Variants in SP2 observed in about 807,000 individuals in gnomAD.
The protein encoded by SP2 is transcription factor Sp2.
SP2 carries 9 observed loss-of-function variants against 50.1 expected under a neutral mutation model. The ratio of observed to expected loss-of-function variants is 0.18; its 90% confidence interval spans 0.11 to 0.31. The LOEUF (loss-of-function observed/expected upper bound fraction) is 0.31, where lower values mean the gene tolerates loss of function less well. Among genes scored for constraint, SP2 ranks in the 10% least tolerant of loss-of-function variants. The pLI is 1.00. For missense variants in SP2, 581 were observed against 806.5 expected, an observed-to-expected ratio of 0.72 and a Z score of 3.39; for synonymous variants, 313 against 326.6, an observed-to-expected ratio of 0.96 and a Z score of 0.45.
In SP2 at chr17:47,922,979, T is replaced by C. The variant is rs141918529; in HGVS notation, c.1077T>C (p.Pro359=). The C allele has an allele frequency of 5.9e-4, 944 of 1,612,862 alleles. 4 individuals carry two copies. The African/African-American group carries it at 0.012, about 20-fold the overall frequency. The change falls in exon 4 of 7, where the codon CCT becomes CCC. Residue 359 remains proline, a synonymous_variant. Transcript: ENST00000376741. ...PTPTQVYIRT[P]SGEVQTVLVQ... is the part of the protein sequence containing the mutation. ...CCTCCCAGGTCTACATCCGCACGCC[T>C]TCCGGTGAGGTGCAGACAGTCCTTG...
At chr17:47,920,102 G>A (rs1394095575) in intron 3 of SP2, among the ~76,000 whole-genome samples, 1 of 151,578 alleles carries the variant, frequency 6.6e-6, no homozygotes, top group African/African-American at 2.4e-5. Flanking sequence ...ACTTTTGAAG[G>A]CTAAAGGTCA....
At chr17:47,896,654 G>T (rs1440425465) in intron 1 of SP2, among the ~76,000 whole-genome samples, 1 of 152,240 alleles carries the variant, frequency 6.6e-6, no homozygotes, top group Non-Finnish European at 1.5e-5. Flanking sequence ...GGCGAACTAT[G>T]CCTGGGTCGG....
chr17:47,911,874 G>A (rs1394549584), intron 1 of SP2, among the ~76,000 whole-genome samples: 1 of 151,910 alleles, frequency 6.6e-6, no homozygotes, highest in East Asian at 1.9e-4. Context: ...GGAGATGCCT[G>A]TGAACCCTGG....
In SP2 at chr17:47,928,926, A is replaced by G. The variant is rs2035758225; in HGVS notation, c.*1102A>G. The G allele has an allele frequency of 6.6e-6, 1 of 152,666 alleles. No homozygotes were observed. The highest frequency in any genetic ancestry group is 6.5e-5 in the Admixed American group (1 of 15,282). The allele number at this position is 152,666 out of a possible 1,614,324, so 9.5% of individuals were successfully genotyped here. A position where few individuals can be genotyped will look rare whatever the true frequency, so the allele number is the denominator to read the frequency against. Reference sequence around the variant, plus strand: ...GGCTGACAAAAATTTTTTCTTGCTAATAAATTTAGTTGCCTGAGGCAAAAT... The same window carrying G: ...GGCTGACAAAAATTTTTTCTTGCTAGTAAATTTAGTTGCCTGAGGCAAAAT... On this transcript the variant is annotated 3_prime_UTR_variant, in exon 7 of 7. Coordinates refer to ENST00000376741, the MANE Select transcript of SP2 (RefSeq NM_003110.6).
At chr17:47,926,240 A>G (rs1261241302) in intron 6 of SP2, among the ~76,000 whole-genome samples, 1 of 151,496 alleles carries the variant, frequency 6.6e-6, no homozygotes, top group Non-Finnish European at 1.5e-5. Flanking sequence ...TTACTGAGGC[A>G]TGGAGAGCTG....
At chr17:47,896,368 A>G in intron 1 of SP2, 75 bp downstream of exon 1, 1 of 1,162,866 alleles carries the variant, frequency 8.6e-7, no homozygotes, top group Non-Finnish European at 1.1e-6. Flanking sequence ...CCGCGGGGAG[A>G]GGGAGCCGAG....
intron 1 of SP2, among the ~76,000 whole-genome samples, chr17:47,901,209 G>A (rs954740447): frequency 2.6e-5 from 4 of 151,234 alleles, no homozygotes; most frequent in African/African-American, 9.7e-5. Context: ...GTGCAATGGC[G>A]CAATCTTGGC....
rs766102867 is a variant in SP2, at chr17:47,896,247, G to A, written c.-40G>A. ...TGGCGGGCGGTGTCAGGCTCTCGGT[G>A]GCGGCGGAGGCGGCGGAGGCCAGGG... On this transcript the variant is annotated 5_prime_UTR_variant, in exon 1 of 7. Coordinates refer to ENST00000376741, the MANE Select transcript of SP2 (RefSeq NM_003110.6). The A allele has an allele frequency of 4.5e-5, 56 of 1,238,872 alleles. 1 individual carries two copies. Among genetic ancestry groups the A allele is most frequent in the Non-Finnish European group, 5.4e-5 (53 of 988,822 alleles). The allele number at this position is 1,238,872 out of a possible 1,614,324, so 76.7% of individuals were successfully genotyped here. A position where few individuals can be genotyped will look rare whatever the true frequency, so the allele number is the denominator to read the frequency against.
At chr17:47,913,487 T>C (rs1037537762) in intron 1 of SP2, among the ~76,000 whole-genome samples, 1 of 152,226 alleles carries the variant, frequency 6.6e-6, no homozygotes, top group African/African-American at 2.4e-5. Flanking sequence ...TTCTTTTCCT[T>C]AGTGATTTAT....
At position 47,927,942 on chromosome 17, in the gene SP2, T is replaced by C; in HGVS notation, c.*118T>C. The C allele has an allele frequency of 1.5e-6, 1 of 664,386 alleles. No individual in the cohort carries two copies. Among genetic ancestry groups the C allele is most frequent in the Admixed American group, 2.3e-5 (1 of 42,914 alleles). 41.2% of individuals were successfully genotyped at this position (664,386 alleles called of 1,614,324 possible). A position where few individuals can be genotyped will look rare whatever the true frequency, so the allele number is the denominator to read the frequency against. On this transcript the variant is annotated 3_prime_UTR_variant, in exon 7 of 7. Coordinates refer to ENST00000376741, the MANE Select transcript of SP2 (RefSeq NM_003110.6). ...CCTGCCCTCAGCCCCACTCCTGTTC[T>C]GCAACTGTCCCCACAGGAAGGGGCT...
Position 47,916,680 on chromosome 17 carries a change from G to A in SP2, c.609G>A (p.Leu203=). ...PVQSGANVVK[L]TGGGGNVTLT... Reference sequence around the variant, plus strand: ...AGAGCGGGGCCAATGTGGTGAAGCTGACAGGTGGGGGCGGCAATGTGACGC... The same window carrying A: ...AGAGCGGGGCCAATGTGGTGAAGCTAACAGGTGGGGGCGGCAATGTGACGC... The change falls in exon 3 of 7, where the codon CTG becomes CTA. Residue 203 remains leucine (L), a synonymous_variant. Transcript: ENST00000376741. The surrounding 1 kb of genome is among the most constrained non-coding windows in gnomAD (Gnocchi z 4.7). 1.2e-6 allele frequency: 2 copies of A among 1,613,622 alleles called. No individual in the cohort carries two copies. Among genetic ancestry groups the A allele is most frequent in the African/African-American group, 1.3e-5 (1 of 75,032 alleles).
At chr17:47,931,330 G>A (rs558266160), downstream of SP2, among the ~76,000 whole-genome samples, 1 of 152,302 alleles carries the variant, frequency 6.6e-6, no homozygotes, top group East Asian at 1.9e-4. Context: ...CTGGGTGACA[G>A]AGCAAGACTC....
intron 1 of SP2, among the ~76,000 whole-genome samples, chr17:47,907,893 C>G (rs2034826930): frequency 6.6e-6 from 1 of 152,188 alleles, no homozygotes; most frequent in Admixed American, 6.5e-5. Flanking sequence ...GGTATCTATG[C>G]TACCTCTTCT....
At chr17:47,906,301 T>C (rs943491169) in intron 1 of SP2, among the ~76,000 whole-genome samples, 4 of 152,194 alleles carry the variant, frequency 2.6e-5, no homozygotes, top group African/African-American at 9.7e-5. Flanking sequence ...GGTTTTGTCC[T>C]GATTGGAGAT....
rs557456869 is a variant in SP2 at position 47,920,751 on chromosome 17, G to T, written c.1060-2211G>T. On this transcript the variant is annotated intron_variant, in intron 3 of 6. Coordinates refer to ENST00000376741, the MANE Select transcript of SP2 (RefSeq NM_003110.6). ...GTTGGCTCTTATATCCCTCTGACAG[G>T]CTCTCATTCTTTTTTTTTATAAAAT... Among the ~76,000 whole-genome samples the T allele has an allele frequency of 5.3e-5, 8 of 152,190 alleles. No individual in the cohort carries two copies. In the South Asian group the frequency reaches 1.7e-3, roughly 32 times the overall value.
At chr17:47,927,342 T>A (rs1207415219) in intron 6 of SP2, among the ~76,000 whole-genome samples, 2 of 151,992 alleles carry the variant, frequency 1.3e-5, no homozygotes, top group East Asian at 1.9e-4. Flanking sequence ...GAGACCAGCC[T>A]GGACAACATG....
chr17:47,917,228 C>CT, intron 3 of SP2, 98 bp downstream of exon 3: 1 of 1,276,042 alleles, frequency 7.8e-7, no homozygotes, highest in Non-Finnish European at 1.1e-6. Flanking sequence ...CTTGATCTGA[C>CT]CTTGAGAGTC....
At chr17:47,926,307 G>A (rs2035647914) in intron 6 of SP2, among the ~76,000 whole-genome samples, 1 of 136,048 alleles carries the variant, frequency 7.4e-6, no homozygotes, top group African/African-American at 2.8e-5. Context: ...GCCCTGCCAT[G>A]GCTTTTTGTT....
chr17:47,913,382 C>G (rs1039039818), intron 1 of SP2, among the ~76,000 whole-genome samples: 2 of 152,076 alleles, frequency 1.3e-5, no homozygotes, highest in Non-Finnish European at 2.9e-5. Context: ...GCCTTTTTGT[C>G]TCTTTTAGTC....
Sources: allele counts gnomAD v4.1 joint callset (sites outside exome capture counted in the v4.1 genomes callset), GRCh38; gene constraint gnomAD v4.1.1; non-coding constraint Gnocchi (gnomAD v3.1); transcripts MANE v1.5; gene names NCBI Gene and HGNC (gene_info 2026-07-23, HGNC 2026-07-21).